EPM2A: variants seen among roughly 807,000 people sequenced by gnomAD.
The protein encoded by EPM2A is EPM2A glucan phosphatase, laforin.
A neutral mutation model predicts 26.5 loss-of-function variants in EPM2A; 21 were observed. That is an observed-to-expected ratio of 0.79 (90% CI 0.56 to 1.14). The LOEUF is 1.14. Among genes scored for constraint, EPM2A ranks in the 50% most tolerant of loss-of-function variants. The probability of loss-of-function intolerance (pLI) is 0.00; values close to 1 mark genes in which losing one functional copy is unlikely to be tolerated. For missense variants in EPM2A, 458 were observed against 440.8 expected (o/e 1.04, Z -0.35); for synonymous variants, 217 against 177.6 (o/e 1.22, Z -1.76).
At chr6:145,437,986 G>T (rs1407239499) in intron 4 of EPM2A, among the ~76,000 whole-genome samples, 1 of 152,196 alleles carries the variant, frequency 6.6e-6, no homozygotes, top group Admixed American at 6.5e-5. Context: ...CACAAAACTG[G>T]TAAGACATTT....
At chr6:145,558,023 T>C (rs191841397) in intron 2 of EPM2A, among the ~76,000 whole-genome samples, 2 of 152,264 alleles carry the variant, frequency 1.3e-5, no homozygotes, top group East Asian at 3.9e-4. Context: ...TCATGCAGTA[T>C]TTGTTTTCTG....
At chr6:145,644,371 T>C (rs1309288323) in intron 2 of EPM2A, among the ~76,000 whole-genome samples, 7 of 152,178 alleles carry the variant, frequency 4.6e-5, no homozygotes, top group Admixed American at 6.6e-5. Flanking sequence ...TCTAAATCAT[T>C]CCCCTTTTCT....
At chr6:145,438,048 T>G (rs1391917617) in intron 4 of EPM2A, among the ~76,000 whole-genome samples, 2 of 152,212 alleles carry the variant, frequency 1.3e-5, no homozygotes, top group South Asian at 4.1e-4. Flanking sequence ...TCCTGAGAGA[T>G]ACATTGTTAA....
chr6:145,630,880 C>T (rs1776197331), intron 3 of EPM2A: 1 of 152,208 alleles, frequency 6.6e-6, no homozygotes, highest in African/African-American at 2.4e-5. Context: ...AAATTGAGCA[C>T]AGACATTTGC....
chr6:145,409,980 C>T (rs991907563), intron 4 of EPM2A, among the ~76,000 whole-genome samples: 51 of 152,290 alleles, frequency 3.3e-4, no homozygotes, highest in East Asian at 1.9e-4. Flanking sequence ...TTATGAATGA[C>T]CTGGTTTGAA....
intron 2 of EPM2A, among the ~76,000 whole-genome samples, chr6:145,507,358 G>A (rs1279476768): frequency 6.6e-6 from 1 of 152,188 alleles, no homozygotes; most frequent in African/African-American, 2.4e-5. Context: ...CTCATATTCT[G>A]GGAAGGAGAA....
At chr6:145,494,365 C>T (rs552582808) in intron 4 of EPM2A, among the ~76,000 whole-genome samples, 1 of 151,968 alleles carries the variant, frequency 6.6e-6, no homozygotes, top group African/African-American at 2.4e-5. Flanking sequence ...TTATTTGGAT[C>T]TTCTCTCTTT....
chr6:145,691,180 C>T (rs1781259038), intron 1 of EPM2A, among the ~76,000 whole-genome samples: 1 of 151,868 alleles, frequency 6.6e-6, no homozygotes, highest in Non-Finnish European at 1.5e-5. Context: ...ACAACATAAA[C>T]CCAAAGAAAT....
At chr6:145,674,981 T>C (rs974923721) in intron 2 of EPM2A, among the ~76,000 whole-genome samples, 3 of 151,904 alleles carry the variant, frequency 2.0e-5, no homozygotes, top group Non-Finnish European at 4.4e-5. Context: ...GACACATAAT[T>C]GTCAGATTCA....
intron 1 of EPM2A, among the ~76,000 whole-genome samples, chr6:145,694,990 G>A (rs1781489606): frequency 6.6e-6 from 1 of 151,910 alleles, no homozygotes; most frequent in African/African-American, 2.4e-5. Context: ...AAAATTCAGT[G>A]GTATCAGTCA....
At chr6:145,490,570 CCTT>C (rs1779741225) in intron 4 of EPM2A, 1 of 699,608 alleles carries the variant, frequency 1.4e-6, no homozygotes, top group South Asian at 1.4e-5. Context: ...AGTGACTCCA[CCTT>C]CTTCAAGATG....
chr6:145,584,898 C>T (rs1448174141), intron 2 of EPM2A, among the ~76,000 whole-genome samples: 1 of 152,184 alleles, frequency 6.6e-6, no homozygotes, highest in Non-Finnish European at 1.5e-5. Flanking sequence ...CTCCGGGCTG[C>T]ATTTAATTGG....
At chr6:145,488,682 G>T (rs181997600) in intron 4 of EPM2A, among the ~76,000 whole-genome samples, 1 of 151,880 alleles carries the variant, frequency 6.6e-6, no homozygotes, top group Admixed American at 6.6e-5. Flanking sequence ...TGGGGGAAAA[G>T]ATTCCATTAA....
intron 4 of EPM2A, among the ~76,000 whole-genome samples, chr6:145,458,879 G>T (rs1445651442): frequency 4.6e-5 from 7 of 151,578 alleles, no homozygotes; most frequent in Non-Finnish European, 1.0e-4. Flanking sequence ...CATTTTTTTG[G>T]AGAGAACTCA....
chr6:145,520,220 G>A (rs1780185206), intron 2 of EPM2A, among the ~76,000 whole-genome samples: 1 of 152,058 alleles, frequency 6.6e-6, no homozygotes, highest in Admixed American at 6.6e-5. Flanking sequence ...AAATATCACT[G>A]TACTTTTTCT....
chr6:145,680,981 G>T (rs1159013476), intron 2 of EPM2A, among the ~76,000 whole-genome samples: 2 of 150,968 alleles, frequency 1.3e-5, no homozygotes, highest in Admixed American at 6.6e-5. Context: ...ACTTCCACAA[G>T]GGTTGAACTA....
chr6:145,607,337 A>T (rs1311973891), intron 2 of EPM2A, among the ~76,000 whole-genome samples: 1 of 152,226 alleles, frequency 6.6e-6, no homozygotes, highest in Non-Finnish European at 1.5e-5. Flanking sequence ...TCAAAGACTC[A>T]TGAATCAAAG....
intron 4 of EPM2A, among the ~76,000 whole-genome samples, chr6:145,453,842 T>C (rs963309940): frequency 6.6e-6 from 1 of 152,224 alleles, no homozygotes; most frequent in Non-Finnish European, 1.5e-5. Flanking sequence ...CTGAGAATTA[T>C]TGCTTTGAGG....
chr6:145,600,410 C>T (rs1445826418), intron 2 of EPM2A, among the ~76,000 whole-genome samples: 2 of 152,128 alleles, frequency 1.3e-5, no homozygotes, highest in South Asian at 2.1e-4. Flanking sequence ...TCTGTCCTTC[C>T]ACCCCCTCAC....
Sources: gnomAD v4.1 joint callset for allele counts (sites outside exome capture counted in the v4.1 genomes callset) on GRCh38, gnomAD v4.1.1 for gene constraint, MANE v1.5 for transcripts, NCBI Gene and HGNC (gene_info 2026-07-23, HGNC 2026-07-21) for gene names.